Variants in NEO1 observed in about 807,000 individuals in gnomAD.
NEO1 encodes neogenin.
Under a neutral mutation model 159.7 loss-of-function variants are expected in NEO1, and 63 were observed. The ratio of observed to expected loss-of-function variants is 0.39; its 90% confidence interval spans 0.32 to 0.49. The LOEUF (loss-of-function observed/expected upper bound fraction) is 0.49. Ranked by LOEUF, NEO1 falls within the 20% of genes least tolerant of loss-of-function variation. The probability of loss-of-function intolerance (pLI) is 0.85; values close to 1 mark genes in which losing one functional copy is unlikely to be tolerated. For missense variants in NEO1, 1,615 were observed against 1,831.0 expected, an observed-to-expected ratio of 0.88 and a Z score of 2.15; for synonymous variants, 633 against 662.0, an observed-to-expected ratio of 0.96 and a Z score of 0.67.
rs538656035 is a variant in NEO1 at position 73,294,173 on chromosome 15, A to G, written c.3901+625A>G. ...TGTATTTAAAGAAATACGTTGCTAG[A>G]CAAACATGTCCCCAGTTTGGAAATC... On this transcript the variant is annotated intron_variant, in intron 26 of 28. Transcript: ENST00000261908. 1.2e-4 allele frequency among the ~76,000 whole-genome samples: 18 copies of G among 152,368 alleles called. No homozygotes were observed. In the South Asian group the frequency reaches 3.3e-3, roughly 28 times the overall value.
At chr15:73,192,275 A>T (rs1218385953) in intron 7 of NEO1, among the ~76,000 whole-genome samples, 2 of 152,050 alleles carry the variant, frequency 1.3e-5, no homozygotes, top group East Asian at 3.8e-4. Flanking sequence ...ATATTCATGT[A>T]TAAACTTTTT....
At chr15:73,148,950 G>A (rs1208620759) in intron 5 of NEO1, among the ~76,000 whole-genome samples, 1 of 151,902 alleles carries the variant, frequency 6.6e-6, no homozygotes, top group Non-Finnish European at 1.5e-5. Context: ...TGGAAGCAGG[G>A]CAGGGTAGGA....
At chr15:73,170,495 G>A (rs1196968913) in intron 5 of NEO1, among the ~76,000 whole-genome samples, 1 of 152,190 alleles carries the variant, frequency 6.6e-6, no homozygotes, top group Non-Finnish European at 1.5e-5. Flanking sequence ...AAGTCCAATA[G>A]AGTCATGTGA....
At chr15:73,279,375 A>C (rs1422758259) in intron 22 of NEO1, among the ~76,000 whole-genome samples, 1 of 70,800 alleles carries the variant, frequency 1.4e-5, no homozygotes, top group Non-Finnish European at 4.0e-5. Context: ...TTGAGATGGA[A>C]TCTCGCTCTG....
At chr15:73,083,036 C>T (rs756914117) in intron 1 of NEO1, among the ~76,000 whole-genome samples, 1 of 152,058 alleles carries the variant, frequency 6.6e-6, no homozygotes, top group Non-Finnish European at 1.5e-5. Flanking sequence ...AGAGAAGGGA[C>T]TGTGGTGTGA....
intron 21 of NEO1, among the ~76,000 whole-genome samples, chr15:73,275,474 A>AC (rs1357241498): frequency 3.6e-4 from 55 of 152,004 alleles, no homozygotes; most frequent in African/African-American, 1.2e-3. Flanking sequence ...ACAAAGTGAG[A>AC]CCCCCTCTCT....
In NEO1 at chr15:73,254,751, C is replaced by T. The variant is rs1038348211; in HGVS notation, c.2014C>T (p.Arg672Cys). Residue 672 changes from arginine (R) to cysteine (C), a missense_variant, in exon 13 of 29, where the codon CGC becomes TGC. Arg to Cys is a radical substitution (Grantham distance 180). Transcript: ENST00000261908. ...QNGQITGYKI[R>C]YRKASRKSDV... is the part of the protein sequence containing the mutation. Reference sequence around the variant, plus strand: ...TGGGCAGATTACTGGCTACAAGATTCGCTACCGAAAGGCCTCCCGAAAGAG... The same window carrying T: ...TGGGCAGATTACTGGCTACAAGATTTGCTACCGAAAGGCCTCCCGAAAGAG... 4.3e-6 allele frequency: 7 copies of T among 1,613,940 alleles called. No homozygotes were observed. In the African/African-American group the frequency reaches 5.3e-5, roughly 12 times the overall value.
chr15:73,270,472 C>G lies in NEO1; in HGVS notation c.2857+18C>G. 6.3e-7 allele frequency: 1 copy of G among 1,593,336 alleles called. No homozygotes were observed. Among genetic ancestry groups the G allele is most frequent in the Non-Finnish European group, 8.5e-7 (1 of 1,170,892 alleles). ...TGAATTAGGTATGTGTTGTCAGAAG[C>G]CATGTCACATGGCTGCTTTTACTTC... On this transcript the variant is annotated intron_variant, in intron 18 of 28. Transcript: ENST00000261908.
intron 7 of NEO1, among the ~76,000 whole-genome samples, chr15:73,213,615 C>T (rs2037705294): frequency 1.3e-5 from 2 of 152,282 alleles, no homozygotes; most frequent in Non-Finnish European, 2.9e-5. Flanking sequence ...CTTTCTGTGG[C>T]TGAGTAGTAT....
chr15:73,160,450 A>G (rs143584763), intron 5 of NEO1, among the ~76,000 whole-genome samples: 5 of 152,186 alleles, frequency 3.3e-5, no homozygotes, highest in Admixed American at 1.3e-4. Flanking sequence ...CCATGTAGAG[A>G]TATGGCACTG....
At chr15:73,082,539 G>T (rs2151390042) in intron 1 of NEO1, among the ~76,000 whole-genome samples, 1 of 150,062 alleles carries the variant, frequency 6.7e-6, no homozygotes, top group East Asian at 1.9e-4. Context: ...GAAGTTCACA[G>T]AACAAAGAAA....
intron 5 of NEO1, 21 bp downstream of exon 5, chr15:73,136,048 T>C: frequency 6.4e-7 from 1 of 1,574,186 alleles, no homozygotes. Flanking sequence ...ATTTACTGTA[T>C]AATTTAAAAA....
Position 73,263,162 on chromosome 15 carries a change from T to TG in NEO1, c.2398+2697_2398+2698insG, listed in dbSNP as rs1365381894. Among the ~76,000 whole-genome samples the TG allele has an allele frequency of 2.6e-5, 4 of 152,150 alleles. No homozygotes were observed. The East Asian group carries it at 7.7e-4, about 29-fold the overall frequency. The stretch of plus-strand genomic sequence containing the variant: ...TGTACAGTTAAATGGATACATTTTA[T>TG]TATATGCTAATTATACCTCATAGTT... On this transcript the variant is annotated intron_variant, in intron 15 of 28. Transcript: ENST00000261908.
At chr15:73,064,725 C>A (rs913286331) in intron 1 of NEO1, among the ~76,000 whole-genome samples, 23 of 152,120 alleles carry the variant, frequency 1.5e-4, no homozygotes, top group South Asian at 8.3e-4. Context: ...CCTTGGCCCC[C>A]CAAAGTGCTG....
At chr15:73,177,513 A>G (rs1259051686) in intron 6 of NEO1, among the ~76,000 whole-genome samples, 1 of 152,208 alleles carries the variant, frequency 6.6e-6, no homozygotes, top group Non-Finnish European at 1.5e-5. Flanking sequence ...GAAAATTTTT[A>G]AATCATATTT....
chr15:73,069,439 C>T (rs1487777808), intron 1 of NEO1, among the ~76,000 whole-genome samples: 2 of 151,348 alleles, frequency 1.3e-5, no homozygotes, highest in African/African-American at 4.9e-5. Context: ...GAGAGAGAAA[C>T]AGTGTTTGAT....
intron 1 of NEO1, among the ~76,000 whole-genome samples, chr15:73,063,491 G>A (rs1353441473): frequency 6.6e-6 from 1 of 152,076 alleles, no homozygotes; most frequent in Non-Finnish European, 1.5e-5. Context: ...ATGGCTGTGT[G>A]TAAATAGATT....
chr15:73,148,074 A>G (rs946770096), intron 5 of NEO1, among the ~76,000 whole-genome samples: 1 of 152,090 alleles, frequency 6.6e-6, no homozygotes, highest in African/African-American at 2.4e-5. Context: ...CGGCCTCCCA[A>G]AGTGCTGGGA....
At chr15:73,228,795 G>T (rs76939802) in intron 7 of NEO1, among the ~76,000 whole-genome samples, 1,679 of 152,076 alleles carry the variant, frequency 0.011, 20 homozygotes, top group East Asian at 0.048. Flanking sequence ...CTTTGCATGT[G>T]GATATATTGT....
Sources: allele counts gnomAD v4.1 joint callset (sites outside exome capture counted in the v4.1 genomes callset), GRCh38; gene constraint gnomAD v4.1.1; transcripts MANE v1.5; gene names NCBI Gene and HGNC (gene_info 2026-07-23, HGNC 2026-07-21).